Variants in ABLIM2 observed in about 807,000 individuals in gnomAD.
ABLIM2 encodes actin binding LIM protein family member 2.
A neutral mutation model predicts 97.7 loss-of-function variants in ABLIM2; 53 were observed. The ratio of observed to expected loss-of-function variants is 0.54; its 90% CI spans 0.44 to 0.68. The LOEUF (loss-of-function observed/expected upper bound fraction) is 0.68, where lower values mean the gene tolerates loss of function less well. ABLIM2 is among the 30% of genes least tolerant of loss of function. The probability of loss-of-function intolerance (pLI) is 0.00; values close to 1 mark genes in which losing one functional copy is unlikely to be tolerated. For missense variants in ABLIM2, 835 were observed against 867.2 expected (o/e 0.96, Z 0.47); for synonymous variants, 361 against 345.8 (o/e 1.04, Z -0.49).
rs1485093584 is a variant in ABLIM2, at chr4:7,966,048, G to A, written c.*942C>T. 6.6e-6 allele frequency: 1 copy of A among 152,164 alleles called. No individual in the cohort carries two copies. The highest frequency in any genetic ancestry group is 6.5e-5 in the Admixed American group (1 of 15,278). 9.4% of individuals were successfully genotyped at this position (152,164 alleles called of 1,614,324 possible). ...AATAACAGCAAGGAAAACAGTGGTG[G>A]CTATACCTCACATGTATTTACAAAG... On this transcript the variant is annotated 3_prime_UTR_variant, in exon 21 of 21. Coordinates refer to ENST00000447017, the MANE Select transcript of ABLIM2 (RefSeq NM_001130083.2).
intron 1 of ABLIM2, among the ~76,000 whole-genome samples, chr4:8,141,953 C>A (rs1277277424): frequency 6.6e-6 from 1 of 152,208 alleles, no homozygotes. Flanking sequence ...ATGCAGGAGC[C>A]CACCAGAAAA....
intron 20 of ABLIM2, 53 bp downstream of exon 20, chr4:7,983,211 C>T (rs2149676835): frequency 1.9e-6 from 3 of 1,546,832 alleles, no homozygotes; most frequent in South Asian, 1.2e-5. Flanking sequence ...GAGGCATCTG[C>T]GGGGACTCTC....
At chr4:8,006,762 C>T (rs562827683) in intron 16 of ABLIM2, among the ~76,000 whole-genome samples, 1 of 152,278 alleles carries the variant, frequency 6.6e-6, no homozygotes, top group African/African-American at 2.4e-5. Context: ...CAGGCAGGCG[C>T]GCGTGGACCA....
Position 8,072,022 on chromosome 4 carries a change from C to G in ABLIM2, c.675+5606G>C. Reference sequence around the variant, plus strand: ...GCTTGTCCCCGCCCGCAGTTCCCACCTTGCACCCGGGGAGGATGCTCAGAG... The same window carrying G: ...GCTTGTCCCCGCCCGCAGTTCCCACGTTGCACCCGGGGAGGATGCTCAGAG... On this transcript the variant is annotated intron_variant, in intron 6 of 20. Coordinates refer to ENST00000447017, the MANE Select transcript of ABLIM2 (RefSeq NM_001130083.2). The surrounding 1 kb of genome is among the most constrained non-coding windows in gnomAD (Gnocchi z 5.8). The G allele has an allele frequency of 1.0e-6, 1 of 985,484 alleles. No individual in the cohort carries two copies. Among genetic ancestry groups the G allele is most frequent in the Non-Finnish European group, 1.2e-6 (1 of 829,972 alleles). The allele number at this position is 985,484 out of a possible 1,614,324, so 61.0% of individuals were successfully genotyped here.
chr4:8,001,841 C>A lies in ABLIM2; in HGVS notation c.1618+6218G>T, dbSNP rs77758006. On this transcript the variant is annotated intron_variant, in intron 16 of 20. Transcript: ENST00000447017. This position sits in a 1 kb window ranked among gnomAD's most constrained non-coding sequence, Gnocchi z 4.2. ...CTCTCCTGGCTTTCTCCCTCCTGGG[C>A]GCTCCTCCCCACTTCCTCTGTGGAA... Among the ~76,000 whole-genome samples the A allele has an allele frequency of 6.6e-6, 1 of 152,158 alleles. No individual in the cohort carries two copies. Among genetic ancestry groups the A allele is most frequent in the African/African-American group, 2.4e-5 (1 of 41,438 alleles).
Position 8,061,463 on chromosome 4 carries a change from G to C in ABLIM2, c.676-409C>G, listed in dbSNP as rs1166039088. Among the ~76,000 whole-genome samples, 2 of 152,134 alleles carry C rather than the reference G, an allele frequency of 1.3e-5. No homozygotes were observed. The highest frequency in any genetic ancestry group is 2.9e-5 in the Non-Finnish European group (2 of 68,004). On this transcript the variant is annotated intron_variant, in intron 6 of 20. Coordinates refer to ENST00000447017, the MANE Select transcript of ABLIM2 (RefSeq NM_001130083.2). This position sits in a 1 kb window ranked among gnomAD's most constrained non-coding sequence, Gnocchi z 4.5. ...GGGAAAGATAATATGATTTCCCTAG[G>C]TGCAAGAATTAGGGGAGTGGGGTGA...
intron 20 of ABLIM2, among the ~76,000 whole-genome samples, chr4:7,978,562 C>T (rs935419876): frequency 9.9e-5 from 15 of 152,210 alleles, no homozygotes; most frequent in Non-Finnish European, 1.5e-4. Flanking sequence ...GCCAGACCTG[C>T]TGGCTGAGCT....
Position 7,970,592 on chromosome 4 carries a change from G to C in ABLIM2, c.1825-3489C>G, listed in dbSNP as rs913241188. Among the ~76,000 whole-genome samples, 2 of 151,860 alleles carry C rather than the reference G, an allele frequency of 1.3e-5. No homozygotes were observed. The highest frequency in any genetic ancestry group is 2.9e-5 in the Non-Finnish European group (2 of 67,942). On this transcript the variant is annotated intron_variant, in intron 20 of 20. Transcript: ENST00000447017. This position sits in a 1 kb window ranked among gnomAD's most constrained non-coding sequence, Gnocchi z 5.3. ...TGGGAGCCTCTGGGGAGGGCGATTC[G>C]AGGAAGACTTGGAGCTGGCGGGCAA...
At chr4:8,070,163 ATG>A (rs985364895) in intron 6 of ABLIM2, among the ~76,000 whole-genome samples, 9 of 147,554 alleles carry the variant, frequency 6.1e-5, no homozygotes, top group African/African-American at 2.3e-4. Context: ...CTGTGTGTGT[ATG>A]TGTGTGGCCT....
rs1166292835 is a variant in ABLIM2 at position 8,120,651 on chromosome 4, G to A, written c.11-14014C>T. Among the ~76,000 whole-genome samples, 1 of 152,200 alleles carries A rather than the reference G, an allele frequency of 6.6e-6. No individual in the cohort carries two copies. On this transcript the variant is annotated intron_variant, in intron 1 of 20. Coordinates refer to ENST00000447017, the MANE Select transcript of ABLIM2 (RefSeq NM_001130083.2). This position sits in a 1 kb window ranked among gnomAD's most constrained non-coding sequence, Gnocchi z 5.6. ...ATCTGCCAGTCCAGCCCCCATCTGT[G>A]TGCTCTGTCGTGGGAGCATGGGAAA... is the stretch of plus-strand genomic sequence containing the variant.
chr4:8,080,881 G>A (rs936207360), intron 4 of ABLIM2, 79 bp from the exon 5 acceptor site: 18 of 1,510,090 alleles, frequency 1.2e-5, no homozygotes, highest in Non-Finnish European at 1.4e-5. Flanking sequence ...TCCACACTCC[G>A]TGAAGGCCCC....
rs1014959028 is a variant in ABLIM2, at chr4:8,033,767, C to A, written c.1047+2382G>T. On this transcript the variant is annotated intron_variant, in intron 10 of 20. Coordinates refer to ENST00000447017, the MANE Select transcript of ABLIM2 (RefSeq NM_001130083.2). The surrounding 1 kb of genome is among the most constrained non-coding windows in gnomAD (Gnocchi z 4.5). ...GTCCTGCCATTTGAGAGGCGCAGCC[C>A]CAGAGAGGCTGAAAGAAACCTCAGT... 6.6e-6 allele frequency among the ~76,000 whole-genome samples: 1 copy of A among 152,212 alleles called. No homozygotes were observed. The highest frequency in any genetic ancestry group is 1.5e-5 in the Non-Finnish European group (1 of 68,030).
chr4:8,020,251 C>A lies in ABLIM2; in HGVS notation c.1320G>T (p.Lys440Asn). 3.1e-6 allele frequency: 5 copies of A among 1,613,878 alleles called. No individual in the cohort carries two copies. Among genetic ancestry groups the A allele is most frequent in the Non-Finnish European group, 4.2e-6 (5 of 1,179,866 alleles). ...CCTGCTGGTAGGTGGAGGGGGGCGG[C>A]TTGCTGTCAGAGAGCACGGAGAGGC... Reference protein sequence around the residue: ...TPSLSVLSDSKPPPSTYQQAP... With the variant: ...TPSLSVLSDSNPPPSTYQQAP... Residue 440 changes from lysine to asparagine, a missense_variant, in exon 13 of 21, where the codon AAG becomes AAT. By Grantham distance (94) the Lys-to-Asn change is moderately conservative (BLOSUM62 0). Transcript: ENST00000447017.
intron 12 of ABLIM2, among the ~76,000 whole-genome samples, chr4:8,026,422 C>A (rs928610690): frequency 1.3e-5 from 2 of 152,230 alleles, no homozygotes; most frequent in African/African-American, 4.8e-5. Context: ...CCACGGGGCC[C>A]GCCCAAAGCA....
chr4:8,102,165 T>G (rs1834971543), intron 2 of ABLIM2, among the ~76,000 whole-genome samples: 1 of 152,210 alleles, frequency 6.6e-6, no homozygotes. Flanking sequence ...CCTAATCCCC[T>G]TGGTCATTCT....
intron 3 of ABLIM2, among the ~76,000 whole-genome samples, chr4:8,092,855 A>T (rs1464455585): frequency 3.3e-5 from 5 of 151,904 alleles, no homozygotes; most frequent in South Asian, 2.1e-4. Context: ...CCATTTTTTT[A>T]AAAGTTTTTT....
At chr4:8,133,157 C>T (rs375599587) in intron 1 of ABLIM2, among the ~76,000 whole-genome samples, 2 of 152,194 alleles carry the variant, frequency 1.3e-5, no homozygotes, top group East Asian at 1.9e-4. Context: ...GTGGCCTCCT[C>T]CCTGCGTGAG....
In ABLIM2 at chr4:8,127,703, G is replaced by A. The variant is rs564800525; in HGVS notation, c.11-21066C>T. ...CTGTGGCCCACAGGGCTCCCACAAGGTCACGTGGCAGCTGCCACCCTCTGC... is the reference window on the plus strand; with the variant it reads ...CTGTGGCCCACAGGGCTCCCACAAGATCACGTGGCAGCTGCCACCCTCTGC... On this transcript the variant is annotated intron_variant, in intron 1 of 20. Coordinates refer to ENST00000447017, the MANE Select transcript of ABLIM2 (RefSeq NM_001130083.2). This position sits in a 1 kb window ranked among gnomAD's most constrained non-coding sequence, Gnocchi z 7.3. 8.8e-6 allele frequency: 11 copies of A among 1,243,094 alleles called. No homozygotes were observed. The South Asian group carries it at 1.4e-4, about 16-fold the overall frequency. 77.0% of individuals were successfully genotyped at this position (1,243,094 alleles called of 1,614,324 possible).
At chr4:8,055,709 T>C (rs1798642073) in intron 7 of ABLIM2, among the ~76,000 whole-genome samples, 2 of 152,236 alleles carry the variant, frequency 1.3e-5, no homozygotes, top group Admixed American at 1.3e-4. Context: ...GGCTCGTTTC[T>C]AGGGACATAG....
Sources: allele counts gnomAD v4.1 joint callset (sites outside exome capture counted in the v4.1 genomes callset), GRCh38; gene constraint gnomAD v4.1.1; non-coding constraint Gnocchi (gnomAD v3.1); transcripts MANE v1.5; gene names NCBI Gene and HGNC (gene_info 2026-07-23, HGNC 2026-07-21).